The following PSD3 variants were observed in gnomAD, a reference collection of about 807,000 sequenced individuals.
The protein encoded by PSD3 is pleckstrin and Sec7 domain containing 3, also known as PH and SEC7 domain-containing protein 3.
Under a neutral mutation model 105.5 loss-of-function variants are expected in PSD3, and 49 were observed. The ratio of observed to expected loss-of-function variants is 0.46; its 90% confidence interval spans 0.37 to 0.59. The LOEUF (loss-of-function observed/expected upper bound fraction) is 0.59, where lower values mean the gene tolerates loss of function less well. PSD3 is among the 20% of genes least tolerant of loss of function. The pLI is 0.00. For synonymous variants in PSD3, 557 were observed against 457.8 expected (o/e 1.22, Z -2.77); for missense variants, 1,561 against 1,263.8 (o/e 1.24, Z -3.57).
chr8:18,636,554 C>T (rs1807269571), intron 10 of PSD3, among the ~76,000 whole-genome samples: 1 of 152,134 alleles, frequency 6.6e-6, no homozygotes, highest in African/African-American at 2.4e-5. Flanking sequence ...ATGTCGTAGG[C>T]TTTCAAATCC....
chr8:18,703,121 T>C (rs1801687121), intron 9 of PSD3, among the ~76,000 whole-genome samples: 1 of 152,172 alleles, frequency 6.6e-6, no homozygotes, highest in Non-Finnish European at 1.5e-5. Flanking sequence ...ATGTCTTAAC[T>C]TTTTGGTTAA....
chr8:18,666,129 C>A (rs1021526215), intron 9 of PSD3, among the ~76,000 whole-genome samples: 2 of 152,192 alleles, frequency 1.3e-5, no homozygotes, highest in African/African-American at 4.8e-5. Context: ...CCACTTACTG[C>A]AACTTCTGCC....
intron 1 of PSD3, among the ~76,000 whole-genome samples, chr8:18,975,996 C>A (rs949743874): frequency 2.6e-5 from 4 of 152,126 alleles, no homozygotes; most frequent in Admixed American, 2.6e-4. Context: ...TTCCATCCAC[C>A]ATTTACACTT....
At chr8:18,638,673 A>G (rs1223618349) in intron 10 of PSD3, among the ~76,000 whole-genome samples, 1 of 152,226 alleles carries the variant, frequency 6.6e-6, no homozygotes, top group Non-Finnish European at 1.5e-5. Flanking sequence ...AACTGGAAGA[A>G]TTAATATTGT....
intron 12 of PSD3, among the ~76,000 whole-genome samples, chr8:18,587,835 T>C (rs763537557): frequency 6.6e-6 from 1 of 152,204 alleles, no homozygotes; most frequent in Non-Finnish European, 1.5e-5. Context: ...ATGTGATAAA[T>C]AGCTTTGGGA....
At chr8:19,049,573 C>G (rs528568668) in intron 1 of PSD3, among the ~76,000 whole-genome samples, 59 of 151,694 alleles carry the variant, frequency 3.9e-4, no homozygotes, top group African/African-American at 1.4e-3. Flanking sequence ...AACCTGTAGT[C>G]CAAGCTACTT....
chr8:18,955,991 C>T (rs1007713212), intron 1 of PSD3, among the ~76,000 whole-genome samples: 1 of 152,030 alleles, frequency 6.6e-6, no homozygotes, highest in Non-Finnish European at 1.5e-5. Flanking sequence ...TAGTCTCGAA[C>T]CCCTGACCTC....
chr8:18,850,589 A>T (rs1001627133), intron 4 of PSD3, among the ~76,000 whole-genome samples: 6 of 152,212 alleles, frequency 3.9e-5, no homozygotes, highest in Admixed American at 6.5e-5. Flanking sequence ...GTTTTCTAAG[A>T]CAATTGTCGT....
intron 4 of PSD3, chr8:18,808,910 T>A: frequency 6.5e-7 from 1 of 1,542,710 alleles, no homozygotes; most frequent in Non-Finnish European, 8.7e-7. Flanking sequence ...CCCTGTGAGG[T>A]CACACTACTA....
rs113506778 is a variant in PSD3 at position 19,067,056 on chromosome 8, T to C, written c.324+17150A>G. ...AGCACAGAGCATAACAATGAATATTTATTAAATGAGTGAAAGCTATTTACC... is the reference window on the plus strand; with the variant it reads ...AGCACAGAGCATAACAATGAATATTCATTAAATGAGTGAAAGCTATTTACC... On this transcript the variant is annotated intron_variant, in intron 1 of 1. Coordinates refer to the PSD3 transcript ENST00000521475. 8.0e-3 allele frequency among the ~76,000 whole-genome samples: 1,213 copies of C among 152,368 alleles called. 13 individuals carry two copies. Among genetic ancestry groups the C allele is most frequent in the African/African-American group, 0.028 (1,152 of 41,586 alleles).
intron 1 of PSD3, chr8:19,000,558 A>G (rs1466887236): frequency 6.6e-6 from 1 of 151,864 alleles, no homozygotes; most frequent in Non-Finnish European, 1.5e-5. Context: ...GAGGAAATCC[A>G]TAGTAACACA....
intron 11 of PSD3, among the ~76,000 whole-genome samples, chr8:18,625,689 G>T (rs761488723): frequency 6.6e-6 from 1 of 152,060 alleles, no homozygotes; most frequent in African/African-American, 2.4e-5. Flanking sequence ...TATTAGTTTG[G>T]TATAATCAGA....
chr8:18,735,546 G>C (rs1439061564), intron 9 of PSD3, among the ~76,000 whole-genome samples: 2 of 152,118 alleles, frequency 1.3e-5, no homozygotes, highest in East Asian at 1.9e-4. Flanking sequence ...GGCTGTAGTA[G>C]TTAAATGGAG....
chr8:18,610,823 G>C (rs547039973), intron 11 of PSD3, among the ~76,000 whole-genome samples: 1 of 138,058 alleles, frequency 7.2e-6, no homozygotes, highest in Non-Finnish European at 1.6e-5. Context: ...AAAATGTTCT[G>C]AAATGCCAGA....
At chr8:19,055,542 C>A (rs142898037) in intron 1 of PSD3, among the ~76,000 whole-genome samples, 54 of 152,208 alleles carry the variant, frequency 3.5e-4, no homozygotes, top group African/African-American at 1.3e-3. Context: ...CGTGAGCCAC[C>A]GTGCCCGGCC....
chr8:18,857,470 C>G (rs1316467688), intron 4 of PSD3, among the ~76,000 whole-genome samples: 3 of 152,120 alleles, frequency 2.0e-5, no homozygotes, highest in Non-Finnish European at 4.4e-5. Flanking sequence ...TCAGAATCAC[C>G]GGGGAAGCTT....
At chr8:19,035,154 G>A (rs1464131776) in intron 1 of PSD3, among the ~76,000 whole-genome samples, 1 of 152,120 alleles carries the variant, frequency 6.6e-6, no homozygotes, top group African/African-American at 2.4e-5. Flanking sequence ...ATGTGTCTAT[G>A]TATACTTGCA....
chr8:18,622,815 C>T (rs1458842740), intron 11 of PSD3, among the ~76,000 whole-genome samples: 3 of 152,134 alleles, frequency 2.0e-5, no homozygotes, highest in Admixed American at 6.5e-5. Context: ...AGGAGCTTAA[C>T]GGATCTCTCT....
intron 9 of PSD3, among the ~76,000 whole-genome samples, chr8:18,735,122 G>C (rs942297076): frequency 5.6e-4 from 85 of 152,162 alleles, no homozygotes; most frequent in African/African-American, 2.0e-3. Context: ...TTCAGTAAGA[G>C]TTTGAGAAGG....
Sources: allele counts gnomAD v4.1 joint callset (sites outside exome capture counted in the v4.1 genomes callset), GRCh38; gene constraint gnomAD v4.1.1; transcripts MANE v1.5; gene names NCBI Gene and HGNC (gene_info 2026-07-23, HGNC 2026-07-21).